Variants in NAP1L4 observed in about 807,000 individuals in gnomAD.
NAP1L4 encodes the protein nucleosome assembly protein 1-like 4.
Under a neutral mutation model 58.2 loss-of-function variants are expected in NAP1L4, and 15 were observed. The observed-to-expected ratio is 0.26, with a 90% CI of 0.17 to 0.40. The LOEUF (loss-of-function observed/expected upper bound fraction) is 0.40, where lower values mean the gene tolerates loss of function less well. Among genes scored for constraint, NAP1L4 ranks in the 10% least tolerant of loss-of-function variants. The pLI is 1.00. For missense variants in NAP1L4, 384 were observed against 451.1 expected, an observed-to-expected ratio of 0.85 and a Z score of 1.35; for synonymous variants, 171 against 155.6, an observed-to-expected ratio of 1.10 and a Z score of -0.74.
intron 2 of NAP1L4, 87 bp from the exon 3 acceptor site, chr11:2,978,429 T>G (rs1848098639): frequency 8.0e-7 from 1 of 1,250,524 alleles, no homozygotes; most frequent in South Asian, 1.3e-5. Context: ...ATTCAATATA[T>G]TAAGAGGTAT....
chr11:2,960,962 A>G (rs1846858630), intron 8 of NAP1L4, among the ~76,000 whole-genome samples: 1 of 152,074 alleles, frequency 6.6e-6, no homozygotes, highest in Admixed American at 6.6e-5. Flanking sequence ...AAGCTACTCA[A>G]TGTCTCCGTG....
intron 10 of NAP1L4, 157 bp downstream of exon 10, chr11:2,958,242 C>T (rs1445531385): frequency 1.2e-5 from 9 of 765,628 alleles, no homozygotes; most frequent in East Asian, 2.7e-5. Context: ...AACTTGCCAG[C>T]GCACCAACAG....
At chr11:2,983,081 T>A (rs928473647) in intron 1 of NAP1L4, among the ~76,000 whole-genome samples, 1 of 152,188 alleles carries the variant, frequency 6.6e-6, no homozygotes, top group Non-Finnish European at 1.5e-5. Context: ...AGCAACAGCT[T>A]AGTCAGGGTT....
intron 1 of NAP1L4, chr11:2,983,676 C>A (rs1848457719): frequency 6.6e-6 from 1 of 150,798 alleles, no homozygotes; most frequent in Admixed American, 6.6e-5. Context: ...GACTAAAGAA[C>A]CAACCAACCC....
Position 2,959,683 on chromosome 11 carries a change from AT to A in NAP1L4, c.746+86del. ...TTAAGCAGACTCAAGACTGTACTTTATTCCTTACTTCTATCTTACCCATCAA... is the reference window on the plus strand; with the variant it reads ...TTAAGCAGACTCAAGACTGTACTTTATCCTTACTTCTATCTTACCCATCAA... On this transcript the variant is annotated intron_variant, in intron 9 of 15. Coordinates refer to ENST00000380542, the MANE Select transcript of NAP1L4 (RefSeq NM_005969.4). The surrounding 1 kb of genome is among the most constrained non-coding windows in gnomAD (Gnocchi z 4.9). 6.7e-7 allele frequency: 1 copy of A among 1,497,298 alleles called. No homozygotes were observed. 92.8% of individuals were successfully genotyped at this position (1,497,298 alleles called of 1,614,324 possible). A position where few individuals can be genotyped will look rare whatever the true frequency, so the allele number is the denominator to read the frequency against.
chr11:2,985,744 A>G (rs1564992765), intron 1 of NAP1L4, among the ~76,000 whole-genome samples: 1 of 144,642 alleles, frequency 6.9e-6, no homozygotes, highest in Non-Finnish European at 1.5e-5. Context: ...TATGAAAGGG[A>G]TACCAGGCAA....
intron 7 of NAP1L4, among the ~76,000 whole-genome samples, chr11:2,965,104 C>T (rs1394966999): frequency 6.6e-6 from 1 of 152,222 alleles, no homozygotes; most frequent in Non-Finnish European, 1.5e-5. Context: ...TGCTACCAAC[C>T]AAGACTGTTG....
chr11:2,965,377 G>C (rs1847208622), intron 7 of NAP1L4, among the ~76,000 whole-genome samples: 1 of 152,198 alleles, frequency 6.6e-6, no homozygotes, highest in African/African-American at 2.4e-5. Context: ...GGACTGTACT[G>C]AATACTGGAA....
chr11:2,951,173 C>T lies in NAP1L4; in HGVS notation c.1122+86G>A. ...ATTAGGGAATAATGAATATTGTTAA[C>T]ACTACTGCCTCAAAGTGGGGAACAT... On this transcript the variant is annotated intron_variant, in intron 14 of 15. Transcript: ENST00000380542. This position sits in a 1 kb window ranked among gnomAD's most constrained non-coding sequence, Gnocchi z 4.0. 9.9e-7 allele frequency: 1 copy of T among 1,009,072 alleles called. No homozygotes were observed. Among genetic ancestry groups the T allele is most frequent in the Non-Finnish European group, 1.5e-6 (1 of 648,506 alleles). The allele number at this position is 1,009,072 out of a possible 1,614,324, so 62.5% of individuals were successfully genotyped here. A position where few individuals can be genotyped will look rare whatever the true frequency, so the allele number is the denominator to read the frequency against.
intron 8 of NAP1L4, among the ~76,000 whole-genome samples, chr11:2,961,257 G>A (rs926603752): frequency 3.9e-5 from 6 of 152,174 alleles, no homozygotes; most frequent in Non-Finnish European, 8.8e-5. Context: ...GGGGCATGAG[G>A]GCTTAGGAAG....
intron 7 of NAP1L4, among the ~76,000 whole-genome samples, chr11:2,968,217 A>G (rs1419316814): frequency 2.6e-5 from 4 of 152,232 alleles, no homozygotes; most frequent in Non-Finnish European, 4.4e-5. Context: ...TTCAACTCTC[A>G]GGGTGCACAT....
rs549069311 is a variant in NAP1L4 at position 2,983,385 on chromosome 11, T to A, written c.-17-4148A>T. On this transcript the variant is annotated intron_variant, in intron 1 of 15. Coordinates refer to ENST00000380542, the MANE Select transcript of NAP1L4 (RefSeq NM_005969.4). ...TTTTTAAAGAGACACACAGTCTCAC[T>A]CTGTTACCCAGGCTAGAGTGCAGTG... 4.6e-5 allele frequency among the ~76,000 whole-genome samples: 7 copies of A among 152,272 alleles called. No homozygotes were observed. In the East Asian group the frequency reaches 1.4e-3, roughly 29 times the overall value.
In NAP1L4 at chr11:2,976,094, G is replaced by A; in HGVS notation, c.103C>T (p.Pro35Ser). ...TCCTGTAAAGCTGCCAGAACTCGAG[G>A]ATTCTGCATCACCTGATCTGTGAGC... is the stretch of plus-strand genomic sequence containing the variant. ...EKLTDQVMQN[P>S]RVLAALQERL... The change falls in exon 4 of 16, where the codon CCT becomes TCT. Residue 35 changes from proline to serine, a missense_variant. This residue lies in a region of NAP1L4 where 84 missense variants were observed against 73.7 expected (regional missense o/e 1.14). Transcript: ENST00000380542. 6.2e-7 allele frequency: 1 copy of A among 1,613,978 alleles called. No homozygotes were observed. Among genetic ancestry groups the A allele is most frequent in the Non-Finnish European group, 8.5e-7 (1 of 1,180,004 alleles).
chr11:2,972,401 G>A, intron 4 of NAP1L4, 158 bp from the exon 5 acceptor site: 2 of 478,032 alleles, frequency 4.2e-6, no homozygotes, highest in Non-Finnish European at 6.8e-6. Context: ...ACCCCAACAG[G>A]AAAAAAAGGA....
At chr11:2,972,072 T>A in intron 5 of NAP1L4, 30 bp downstream of exon 5, 1 of 1,510,494 alleles carries the variant, frequency 6.6e-7, no homozygotes, top group Non-Finnish European at 8.8e-7. Flanking sequence ...CTGAAAACTA[T>A]CTGTATATTA....
In NAP1L4 at chr11:2,971,207, T is replaced by G. The variant is rs1363578981; in HGVS notation, c.402+241A>C. On this transcript the variant is annotated intron_variant, in intron 6 of 15. Transcript: ENST00000380542. This position sits in a 1 kb window ranked among gnomAD's most constrained non-coding sequence, Gnocchi z 4.2. The stretch of plus-strand genomic sequence containing the variant: ...TTTTAATCTTTGTTGGTCTGATCCC[T>G]TATTTCAATATGCTCCTGTCCACAG... 6.6e-6 allele frequency among the ~76,000 whole-genome samples: 1 copy of G among 152,220 alleles called. No individual in the cohort carries two copies. Among genetic ancestry groups the G allele is most frequent in the Non-Finnish European group, 1.5e-5 (1 of 68,042 alleles).
In NAP1L4 at chr11:2,949,122, T is replaced by A. The variant is rs545398121; in HGVS notation, c.*32+105A>T. The A allele has an allele frequency of 3.0e-5, 25 of 843,362 alleles. No homozygotes were observed. In the East Asian group the frequency reaches 6.4e-4, roughly 22 times the overall value. The allele number at this position is 843,362 out of a possible 1,614,324, so 52.2% of individuals were successfully genotyped here. The stretch of plus-strand genomic sequence containing the variant: ...TATGTCAAACCTGTGACACAGTGAG[T>A]GTACCTGGACAGCAACTCCCTCTTT... On this transcript the variant is annotated intron_variant, in intron 15 of 15. Transcript: ENST00000380542. This position sits in a 1 kb window ranked among gnomAD's most constrained non-coding sequence, Gnocchi z 4.0.
intron 7 of NAP1L4, among the ~76,000 whole-genome samples, chr11:2,967,590 G>A (rs944799580): frequency 2.7e-5 from 4 of 145,464 alleles, no homozygotes; most frequent in Non-Finnish European, 3.0e-5. Flanking sequence ...CAGCCTGGGC[G>A]ACAGAGCGAG....
intron 4 of NAP1L4, among the ~76,000 whole-genome samples, chr11:2,974,060 G>A (rs1201676042): frequency 1.3e-5 from 2 of 152,184 alleles, no homozygotes; most frequent in Non-Finnish European, 2.9e-5. Flanking sequence ...GAGCTACCAT[G>A]CCTGGCTAAT....
Sources: allele counts gnomAD v4.1 joint callset (sites outside exome capture counted in the v4.1 genomes callset), GRCh38; gene constraint gnomAD v4.1.1; regional missense constraint gnomAD v4.1.1; non-coding constraint Gnocchi (gnomAD v3.1); transcripts MANE v1.5; gene names NCBI Gene and HGNC (gene_info 2026-07-23, HGNC 2026-07-21).